Variants in NSD2 observed in about 807,000 individuals in gnomAD.
The protein encoded by NSD2 is histone-lysine N-methyltransferase NSD2.
A neutral mutation model predicts 139.0 loss-of-function variants in NSD2; 12 were observed. The observed-to-expected ratio is 0.09, with a 90% CI of 0.06 to 0.14. NSD2 has a LOEUF of 0.14. Among genes scored for constraint, NSD2 ranks in the 10% least tolerant of loss-of-function variants. The pLI is 1.00. For missense variants in NSD2, 1,155 were observed against 1,745.0 expected, an observed-to-expected ratio of 0.66 and a Z score of 6.02; for synonymous variants, 669 against 648.7, an observed-to-expected ratio of 1.03 and a Z score of -0.48.
chr4:1,933,379 C>A (rs1721906170), intron 6 of NSD2, among the ~76,000 whole-genome samples: 1 of 152,168 alleles, frequency 6.6e-6, no homozygotes, highest in South Asian at 2.1e-4. Context: ...GCAACAGTGT[C>A]CTTCTGCAAG....
intron 6 of NSD2, among the ~76,000 whole-genome samples, chr4:1,932,516 G>A (rs993660884): frequency 8.6e-5 from 13 of 151,768 alleles, no homozygotes; most frequent in African/African-American, 2.9e-4. Flanking sequence ...GGAGGCCGAG[G>A]TGGGCAGATC....
chr4:1,935,766 CAGG>C (rs1722312234), intron 7 of NSD2, among the ~76,000 whole-genome samples: 1 of 152,040 alleles, frequency 6.6e-6, no homozygotes, highest in Non-Finnish European at 1.5e-5. Flanking sequence ...GAGGCTGAGG[CAGG>C]AGAATTGCTT....
rs12648105 is a variant in NSD2, at chr4:1,979,123, G to A, written c.*214G>A. On this transcript the variant is annotated 3_prime_UTR_variant, in exon 22 of 22. Transcript: ENST00000508803. ...CTGATGACCGTCTGAGCCCAGCTCAGCGTTCCTGGACAAACAGCCTCACTC... is the reference window on the plus strand; with the variant it reads ...CTGATGACCGTCTGAGCCCAGCTCAACGTTCCTGGACAAACAGCCTCACTC... 1 of 497,030 alleles carries A rather than the reference G, an allele frequency of 2.0e-6. No individual in the cohort carries two copies. The highest frequency in any genetic ancestry group is 3.3e-6 in the Non-Finnish European group (1 of 301,246). The allele number at this position is 497,030 out of a possible 1,614,324, so 30.8% of individuals were successfully genotyped here.
chr4:1,896,708 C>CTCCT (rs771683249), intron 1 of NSD2, among the ~76,000 whole-genome samples: 11 of 146,492 alleles, frequency 7.5e-5, no homozygotes, highest in Non-Finnish European at 1.5e-4. Flanking sequence ...TTCCATTCCT[C>CTCCT]TCCTTCCTTC....
intron 9 of NSD2, chr4:1,947,087 T>G: frequency 1.9e-6 from 2 of 1,064,760 alleles, no homozygotes; most frequent in Non-Finnish European, 2.3e-6. Flanking sequence ...AGGTGTATTG[T>G]GGGCAGTTTT....
intron 2 of NSD2, 90 bp from the exon 3 acceptor site, chr4:1,904,126 G>T: frequency 7.0e-7 from 1 of 1,420,122 alleles, no homozygotes; most frequent in Non-Finnish European, 9.6e-7. Flanking sequence ...GTGTGTATTT[G>T]GACATTGTAG....
At chr4:1,896,763 TTTC>T (rs1267783401) in intron 1 of NSD2, among the ~76,000 whole-genome samples, 1 of 151,084 alleles carries the variant, frequency 6.6e-6, no homozygotes, top group Non-Finnish European at 1.5e-5. Flanking sequence ...TCTTTCCTTC[TTTC>T]TTCTCTTTTT....
At position 1,976,798 on chromosome 4, in the gene NSD2, C is replaced by A; in HGVS notation, c.3826+119C>A. The A allele has an allele frequency of 9.2e-7, 1 of 1,091,016 alleles. No individual in the cohort carries two copies. Among genetic ancestry groups the A allele is most frequent in the Non-Finnish European group, 1.3e-6 (1 of 779,534 alleles). 67.6% of individuals were successfully genotyped at this position (1,091,016 alleles called of 1,614,324 possible). On this transcript the variant is annotated intron_variant, in intron 21 of 21. Coordinates refer to ENST00000508803, the MANE Select transcript of NSD2 (RefSeq NM_001042424.3). This position sits in a 1 kb window ranked among gnomAD's most constrained non-coding sequence, Gnocchi z 5.3. ...TCTGGGTGCAGGCACATCAGGCGCT[C>A]ATGCAGCGAAGGCCCTGATCCAGGG...
chr4:1,904,296 G>A lies in NSD2; in HGVS notation c.678G>A (p.Val226=), dbSNP rs1717596962. The change falls in exon 3 of 22, where the codon GTG becomes GTA. Residue 226 remains valine, a synonymous_variant. Transcript: ENST00000508803. ...HLLKYNVGDL[V]WSKVSGYPWW... ...TGAAATACAACGTTGGTGATTTGGT[G>A]TGGTCCAAAGTGTCGGGTTACCCTT... 6.2e-7 allele frequency: 1 copy of A among 1,614,066 alleles called. No individual in the cohort carries two copies. The highest frequency in any genetic ancestry group is 1.7e-5 in the Admixed American group (1 of 60,008).
Position 1,948,158 on chromosome 4 carries a change from C to G in NSD2, c.1882-2914C>G. On this transcript the variant is annotated intron_variant, in intron 9 of 21. Coordinates refer to ENST00000508803, the MANE Select transcript of NSD2 (RefSeq NM_001042424.3). The surrounding 1 kb of genome is among the most constrained non-coding windows in gnomAD (Gnocchi z 4.5). ...GAAAGTATTTTCAGACTGAAGAAAA[C>G]TTTGAAAAGTCAGGAGCTAAGCTGC... 1 of 1,062,626 alleles carries G rather than the reference C, an allele frequency of 9.4e-7. No homozygotes were observed. The highest frequency in any genetic ancestry group is 4.6e-5 in the South Asian group (1 of 21,958). The allele number at this position is 1,062,626 out of a possible 1,614,324, so 65.8% of individuals were successfully genotyped here.
intron 5 of NSD2, among the ~76,000 whole-genome samples, chr4:1,925,389 C>CTTTTTTTTTTTT (rs34335852): frequency 2.4e-4 from 9 of 37,998 alleles, no homozygotes; most frequent in Non-Finnish European, 3.0e-4. Flanking sequence ...CTTTTTCTTT[C>CTTTTTTTTTTTT]TTTTTTTTTT....
rs1723830811 is a variant in NSD2 at position 1,948,157 on chromosome 4, A to G, written c.1882-2915A>G. Reference sequence around the variant, plus strand: ...AGAAAGTATTTTCAGACTGAAGAAAACTTTGAAAAGTCAGGAGCTAAGCTG... The same window carrying G: ...AGAAAGTATTTTCAGACTGAAGAAAGCTTTGAAAAGTCAGGAGCTAAGCTG... On this transcript the variant is annotated intron_variant, in intron 9 of 21. Transcript: ENST00000508803. This position sits in a 1 kb window ranked among gnomAD's most constrained non-coding sequence, Gnocchi z 4.5. 3.9e-5 allele frequency: 41 copies of G among 1,062,702 alleles called. No homozygotes were observed. Among genetic ancestry groups the G allele is most frequent in the Non-Finnish European group, 4.7e-5 (41 of 877,402 alleles). The allele number at this position is 1,062,702 out of a possible 1,614,324, so 65.8% of individuals were successfully genotyped here. A position where few individuals can be genotyped will look rare whatever the true frequency, so the allele number is the denominator to read the frequency against.
At chr4:1,938,021 G>A (rs1722605529) in intron 7 of NSD2, among the ~76,000 whole-genome samples, 1 of 152,100 alleles carries the variant, frequency 6.6e-6, no homozygotes, top group South Asian at 2.1e-4. Flanking sequence ...AACTTGATTG[G>A]GCACCTCTTG....
chr4:1,931,611 G>C (rs1257820855), intron 6 of NSD2, among the ~76,000 whole-genome samples: 1 of 152,152 alleles, frequency 6.6e-6, no homozygotes, highest in East Asian at 1.9e-4. Context: ...CTCACCTAAA[G>C]GGAAGTCGGG....
chr4:1,970,454 C>T (rs200343529), intron 18 of NSD2, among the ~76,000 whole-genome samples: 2 of 152,176 alleles, frequency 1.3e-5, no homozygotes, highest in Admixed American at 1.3e-4. Context: ...GAGCTCCAGG[C>T]CTCCAGCAGA....
intron 9 of NSD2, chr4:1,943,754 T>TG: frequency 9.5e-7 from 1 of 1,057,276 alleles, no homozygotes; most frequent in Non-Finnish European, 1.1e-6. Flanking sequence ...AATTTAAAGA[T>TG]GGGGAAAAAA....
chr4:1,923,074 C>CT (rs1720373067), intron 5 of NSD2, among the ~76,000 whole-genome samples: 2 of 152,230 alleles, frequency 1.3e-5, no homozygotes, highest in Non-Finnish European at 2.9e-5. Flanking sequence ...GCTGGGACCA[C>CT]TGTGATTTAT....
At position 1,952,222 on chromosome 4, in the gene NSD2, T is replaced by C; in HGVS notation, c.2128T>C (p.Cys710Arg). The C allele has an allele frequency of 6.2e-7, 1 of 1,613,660 alleles. No homozygotes were observed. The highest frequency in any genetic ancestry group is 8.5e-7 in the Non-Finnish European group (1 of 1,179,964). Residue 710 changes from cysteine (C) to arginine (R), a missense_variant, in exon 11 of 22, where the codon TGT (cysteine) becomes CGT (arginine). Physicochemically the swap from Cys to Arg is radical, Grantham distance 180. Transcript: ENST00000508803. Reference sequence around the variant, plus strand: ...AGAAGGGAGGTTCACCTGCAGCGAGTGTGCCTCAGGCAAGTTCCCACGGGC... The same window carrying C: ...AGAAGGGAGGTTCACCTGCAGCGAGCGTGCCTCAGGCAAGTTCCCACGGGC... ...RPEGRFTCSECASGIHSCFVC... is the reference protein window; with the variant it reads ...RPEGRFTCSERASGIHSCFVC...
At chr4:1,919,405 C>T (rs1006773952) in intron 5 of NSD2, among the ~76,000 whole-genome samples, 2 of 152,108 alleles carry the variant, frequency 1.3e-5, no homozygotes, top group Non-Finnish European at 2.9e-5. Flanking sequence ...GTGATTAAGA[C>T]ATTTATATAA....
Sources: allele counts gnomAD v4.1 joint callset (sites outside exome capture counted in the v4.1 genomes callset), GRCh38; gene constraint gnomAD v4.1.1; non-coding constraint Gnocchi (gnomAD v3.1); transcripts MANE v1.5; gene names NCBI Gene and HGNC (gene_info 2026-07-23, HGNC 2026-07-21).